PLEKHH2: variants seen among roughly 807,000 people sequenced by gnomAD.
PLEKHH2 encodes pleckstrin homology domain-containing family H member 2.
In PLEKHH2, 129 loss-of-function variants were observed where a neutral mutation model predicts 187.9. That is an observed-to-expected ratio of 0.69 (90% CI 0.59 to 0.79). The LOEUF (loss-of-function observed/expected upper bound fraction) is 0.79, where lower values mean the gene tolerates loss of function less well. Among genes scored for constraint, PLEKHH2 ranks in the 30% least tolerant of loss-of-function variants. The pLI is 0.00. For missense variants in PLEKHH2, 2,076 were observed against 1,751.2 expected, an observed-to-expected ratio of 1.19 and a Z score of -3.31; for synonymous variants, 686 against 605.6, an observed-to-expected ratio of 1.13 and a Z score of -1.95.
Position 43,720,314 on chromosome 2 carries a change from A to G in PLEKHH2, c.2461-355A>G, listed in dbSNP as rs1572616208. Reference sequence around the variant, plus strand: ...TTTTTTTACAACTTTTATTTTAGATATAGGGGGTGCACGTGCAGGTTTGTT... The same window carrying G: ...TTTTTTTACAACTTTTATTTTAGATGTAGGGGGTGCACGTGCAGGTTTGTT... On this transcript the variant is annotated intron_variant, in intron 15 of 29. Transcript: ENST00000282406. Among the ~76,000 whole-genome samples, 7 of 150,938 alleles carry G rather than the reference A, an allele frequency of 4.6e-5. No individual in the cohort carries two copies. The South Asian group carries it at 1.3e-3, about 27-fold the overall frequency.
At chr2:43,717,551 TTCCCA>T (rs1431247370) in intron 15 of PLEKHH2, among the ~76,000 whole-genome samples, 1 of 152,092 alleles carries the variant, frequency 6.6e-6, no homozygotes, top group Non-Finnish European at 1.5e-5. Context: ...AGTGGAGCAG[TTCCCA>T]GTGAAGGAAA....
At position 43,765,692 on chromosome 2, in the gene PLEKHH2, ACACACC is replaced by A; in HGVS notation, c.*95_*100del. The A allele has an allele frequency of 1.6e-6, 2 of 1,214,252 alleles. No individual in the cohort carries two copies. The highest frequency in any genetic ancestry group is 2.3e-6 in the Non-Finnish European group (2 of 882,210). 75.2% of individuals were successfully genotyped at this position (1,214,252 alleles called of 1,614,324 possible). A position where few individuals can be genotyped will look rare whatever the true frequency, so the allele number is the denominator to read the frequency against. ...GTTTACACCTGGCAGCACGGCAGCCACACACCGGTATTCCAAACCTTAACAATGAAG... is the reference window on the plus strand; with the variant it reads ...GTTTACACCTGGCAGCACGGCAGCCAGGTATTCCAAACCTTAACAATGAAG... On this transcript the variant is annotated 3_prime_UTR_variant, in exon 30 of 30. Transcript: ENST00000282406.
intron 1 of PLEKHH2, among the ~76,000 whole-genome samples, chr2:43,638,998 A>C (rs755933386): frequency 2.0e-5 from 3 of 152,244 alleles, no homozygotes; most frequent in Non-Finnish European, 2.9e-5. Context: ...TATAATTAGC[A>C]TAACTAAAGA....
chr2:43,692,417 T>C lies in PLEKHH2; in HGVS notation c.187-97T>C, dbSNP rs1349316638. Reference sequence around the variant, plus strand: ...TTTAATATTTTCCTTTTTGAAGTCTTTTAGGAATCTACATAATATTAAGGT... The same window carrying C: ...TTTAATATTTTCCTTTTTGAAGTCTCTTAGGAATCTACATAATATTAAGGT... On this transcript the variant is annotated intron_variant, in intron 3 of 29. Transcript: ENST00000282406. 9.1e-6 allele frequency: 9 copies of C among 992,960 alleles called. No individual in the cohort carries two copies. The East Asian group carries it at 2.3e-4, about 25-fold the overall frequency. 61.5% of individuals were successfully genotyped at this position (992,960 alleles called of 1,614,324 possible).
chr2:43,697,140 C>T (rs764095365), intron 6 of PLEKHH2, 31 bp from the exon 7 acceptor site: 3 of 1,502,848 alleles, frequency 2.0e-6, no homozygotes, highest in Non-Finnish European at 2.7e-6. Context: ...ATAAAAAATT[C>T]AAATCTTAAT....
At chr2:43,655,953 G>A (rs1208349286) in intron 2 of PLEKHH2, among the ~76,000 whole-genome samples, 1 of 144,250 alleles carries the variant, frequency 6.9e-6, no homozygotes, top group East Asian at 1.9e-4. Flanking sequence ...AATCTGGAAT[G>A]TATCTTAGTG....
At chr2:43,764,487 T>C (rs1488981178) in intron 29 of PLEKHH2, 122 bp downstream of exon 29, 1 of 1,003,080 alleles carries the variant, frequency 1.0e-6, no homozygotes, top group Non-Finnish European at 1.4e-6. Flanking sequence ...AAAGACTGCA[T>C]TCCAGATGGG....
At chr2:43,742,947 C>A in intron 22 of PLEKHH2, 29 bp downstream of exon 22, 1 of 1,450,172 alleles carries the variant, frequency 6.9e-7, no homozygotes. Context: ...ATATGCTTAG[C>A]CAACAATCCT....
At position 43,637,394 on chromosome 2, in the gene PLEKHH2, G is replaced by A. The variant is rs1703154086; in HGVS notation, c.-4+15G>A. 1 of 152,338 alleles carries A rather than the reference G, an allele frequency of 6.6e-6. No homozygotes were observed. Among genetic ancestry groups the A allele is most frequent in the South Asian group, 2.1e-4 (1 of 4,832 alleles). The allele number at this position is 152,338 out of a possible 1,614,324, so 9.4% of individuals were successfully genotyped here. A position where few individuals can be genotyped will look rare whatever the true frequency, so the allele number is the denominator to read the frequency against. On this transcript the variant is annotated intron_variant, in intron 1 of 29. Transcript: ENST00000282406. Reference sequence around the variant, plus strand: ...GAGATAGACAGGTGAGAAAGCCCGGGGACGAGGGGCCACTCCAGAGTTCCT... The same window carrying A: ...GAGATAGACAGGTGAGAAAGCCCGGAGACGAGGGGCCACTCCAGAGTTCCT...
chr2:43,765,898 C>CT lies in PLEKHH2; in HGVS notation c.*304dup. The stretch of plus-strand genomic sequence containing the variant: ...AGACACATTGTGCAATGTGGCTTTT[C>CT]TTTTCTTTTCTTTTTTTCCCCTTTT... On this transcript the variant is annotated 3_prime_UTR_variant, in exon 30 of 30. Transcript: ENST00000282406. 1 of 271,400 alleles carries CT rather than the reference C, an allele frequency of 3.7e-6. No homozygotes were observed. Among genetic ancestry groups the CT allele is most frequent in the African/African-American group, 2.2e-5 (1 of 45,812 alleles). The allele number at this position is 271,400 out of a possible 1,614,324, so 16.8% of individuals were successfully genotyped here.
At chr2:43,720,982 G>C (rs1670451151) in intron 16 of PLEKHH2, among the ~76,000 whole-genome samples, 1 of 152,080 alleles carries the variant, frequency 6.6e-6, no homozygotes, top group Non-Finnish European at 1.5e-5. Context: ...CATCTTCTAA[G>C]ACCTAGAACA....
chr2:43,659,251 C>T (rs914525367), intron 2 of PLEKHH2, among the ~76,000 whole-genome samples: 1 of 151,856 alleles, frequency 6.6e-6, no homozygotes, highest in South Asian at 2.1e-4. Context: ...CCTGCCTCAG[C>T]CTCCCAAAGT....
At chr2:43,736,501 G>A (rs1199332680) in intron 19 of PLEKHH2, among the ~76,000 whole-genome samples, 2 of 152,140 alleles carry the variant, frequency 1.3e-5, no homozygotes, top group African/African-American at 2.4e-5. Context: ...CTGAGTCACG[G>A]AGACAGAGTT....
chr2:43,753,607 T>G lies in PLEKHH2; in HGVS notation c.3654-12T>G, dbSNP rs908359691. ...TATAATTTAATGAGAAATTTACTCT[T>G]TTTTTTTACAGACTATATTTCTCAG... On this transcript the variant is annotated splice_polypyrimidine_tract_variant and intron_variant, in intron 24 of 29. Coordinates refer to ENST00000282406, the MANE Select transcript of PLEKHH2 (RefSeq NM_172069.4). 1 of 1,441,616 alleles carries G rather than the reference T, an allele frequency of 6.9e-7. No homozygotes were observed. The highest frequency in any genetic ancestry group is 2.6e-5 in the Admixed American group (1 of 37,748). The allele number at this position is 1,441,616 out of a possible 1,614,324, so 89.3% of individuals were successfully genotyped here.
At chr2:43,741,130 C>G in intron 21 of PLEKHH2, 87 bp downstream of exon 21, 1 of 1,197,618 alleles carries the variant, frequency 8.3e-7, no homozygotes, top group Non-Finnish European at 1.2e-6. Flanking sequence ...CTGCCAGGTA[C>G]ATTTTCAGAA....
chr2:43,751,349 T>G (rs1461859717), intron 24 of PLEKHH2, among the ~76,000 whole-genome samples: 1 of 152,014 alleles, frequency 6.6e-6, no homozygotes, highest in Non-Finnish European at 1.5e-5. Context: ...TAGACCATGG[T>G]GGACTGAGGA....
intron 1 of PLEKHH2, among the ~76,000 whole-genome samples, chr2:43,641,194 A>C (rs1665897040): frequency 6.6e-6 from 1 of 151,846 alleles, no homozygotes. Context: ...ATTTGCAACT[A>C]TTTTTCCCAT....
intron 4 of PLEKHH2, among the ~76,000 whole-genome samples, chr2:43,694,215 G>A (rs533257744): frequency 1.3e-5 from 2 of 152,228 alleles, no homozygotes; most frequent in Admixed American, 6.5e-5. Context: ...AGAGAATAGC[G>A]GTTGTTAAAA....
At chr2:43,678,346 G>A (rs899625527) in intron 2 of PLEKHH2, among the ~76,000 whole-genome samples, 1 of 152,200 alleles carries the variant, frequency 6.6e-6, no homozygotes, top group Admixed American at 6.5e-5. Context: ...CACTTTGGGC[G>A]GCCAAGGCAG....
Sources: gnomAD v4.1 joint callset for allele counts (sites outside exome capture counted in the v4.1 genomes callset) on GRCh38, gnomAD v4.1.1 for gene constraint, MANE v1.5 for transcripts, NCBI Gene and HGNC (gene_info 2026-07-23, HGNC 2026-07-21) for gene names.